RBFOX1: variants seen among roughly 807,000 people sequenced by gnomAD.
RBFOX1 encodes the protein RNA binding fox-1 homolog 1.
Under a neutral mutation model 57.7 loss-of-function variants are expected in RBFOX1, and 8 were observed. The ratio of observed to expected loss-of-function variants is 0.14; its 90% CI spans 0.08 to 0.25. The LOEUF is 0.25. Ranked by LOEUF, RBFOX1 falls within the 10% of genes least tolerant of loss-of-function variation. The pLI is 1.00. For missense variants in RBFOX1, 611 were observed against 548.5 expected, an observed-to-expected ratio of 1.11 and a Z score of -1.14; for synonymous variants, 326 against 222.4, an observed-to-expected ratio of 1.47 and a Z score of -4.15.
At chr16:6,794,192 C>A (rs1005037954) in intron 3 of RBFOX1, among the ~76,000 whole-genome samples, 1 of 151,386 alleles carries the variant, frequency 6.6e-6, no homozygotes, top group Non-Finnish European at 1.5e-5. Context: ...GAAGTTGATG[C>A]GGGATTACTG....
intron 2 of RBFOX1, among the ~76,000 whole-genome samples, chr16:6,602,100 T>C (rs1353110592): frequency 6.6e-6 from 1 of 152,322 alleles, no homozygotes; most frequent in Non-Finnish European, 1.5e-5. Context: ...AGTTGTTTAT[T>C]GGCCATTTGT....
At chr16:6,530,898 T>C (rs145244720) in intron 2 of RBFOX1, among the ~76,000 whole-genome samples, 3 of 152,218 alleles carry the variant, frequency 2.0e-5, no homozygotes, top group African/African-American at 7.2e-5. Flanking sequence ...GAGATTTGCA[T>C]AGGGTCACAG....
intron 4 of RBFOX1, among the ~76,000 whole-genome samples, chr16:7,132,960 C>A (rs182514719): frequency 1.8e-4 from 28 of 152,250 alleles, no homozygotes; most frequent in Non-Finnish European, 3.5e-4. Context: ...GATGAAACTG[C>A]AAACTAGAGT....
At chr16:5,828,791 G>A (rs2056165207) in intron 3 of RBFOX1, among the ~76,000 whole-genome samples, 1 of 152,192 alleles carries the variant, frequency 6.6e-6, no homozygotes, top group Non-Finnish European at 1.5e-5. Context: ...GCAAGGAAGA[G>A]TATGGTGTGC....
intron 3 of RBFOX1, among the ~76,000 whole-genome samples, chr16:6,963,014 C>G (rs1220692275): frequency 3.9e-5 from 6 of 152,248 alleles, no homozygotes; most frequent in Admixed American, 3.9e-4. Flanking sequence ...CAAGAATCAG[C>G]TCTGTAAACC....
At chr16:7,312,531 C>G (rs1043515264) in intron 4 of RBFOX1, among the ~76,000 whole-genome samples, 4 of 152,172 alleles carry the variant, frequency 2.6e-5, no homozygotes, top group African/African-American at 9.7e-5. Context: ...GACACAGACA[C>G]AAGGGACTTG....
At chr16:6,530,637 T>C (rs1011717023) in intron 2 of RBFOX1, among the ~76,000 whole-genome samples, 5 of 152,234 alleles carry the variant, frequency 3.3e-5, no homozygotes, top group African/African-American at 1.2e-4. Flanking sequence ...CAATTCCACA[T>C]GGCTGGGGAG....
chr16:5,859,899 T>G (rs915244732), intron 3 of RBFOX1, among the ~76,000 whole-genome samples: 38 of 152,278 alleles, frequency 2.5e-4, no homozygotes, highest in Non-Finnish European at 3.4e-4. Context: ...GACTCAGGTT[T>G]CTTGGTGAAA....
At chr16:6,588,206 G>T (rs986650621) in intron 2 of RBFOX1, among the ~76,000 whole-genome samples, 1 of 152,000 alleles carries the variant, frequency 6.6e-6, no homozygotes, top group Middle Eastern at 3.4e-3. Flanking sequence ...ACTCCAGCCT[G>T]GGCACAGAGC....
intron 4 of RBFOX1, among the ~76,000 whole-genome samples, chr16:5,934,855 A>G (rs1257437576): frequency 2.6e-5 from 4 of 152,248 alleles, no homozygotes; most frequent in African/African-American, 9.6e-5. Flanking sequence ...GGCCACTCAC[A>G]GAAAGAGTTG....
intron 4 of RBFOX1, among the ~76,000 whole-genome samples, chr16:7,060,203 A>G (rs748088158): frequency 4.6e-5 from 7 of 152,198 alleles, no homozygotes; most frequent in Non-Finnish European, 8.8e-5. Context: ...CACTGCCATA[A>G]TAGCACAAAA....
At chr16:7,231,023 C>G (rs975129332) in intron 4 of RBFOX1, among the ~76,000 whole-genome samples, 7 of 152,108 alleles carry the variant, frequency 4.6e-5, no homozygotes, top group African/African-American at 1.7e-4. Context: ...GAACAAGCAC[C>G]TCTAGCCCCC....
At chr16:5,337,591 A>G (rs534090409) in intron 1 of RBFOX1, among the ~76,000 whole-genome samples, 1 of 152,208 alleles carries the variant, frequency 6.6e-6, no homozygotes, top group Non-Finnish European at 1.5e-5. Flanking sequence ...AAATGTTTTT[A>G]AAAATAAATA....
At chr16:5,433,679 C>G (rs34114746) in intron 1 of RBFOX1, among the ~76,000 whole-genome samples, 1 of 151,992 alleles carries the variant, frequency 6.6e-6, no homozygotes, top group Non-Finnish European at 1.5e-5. Flanking sequence ...GCAATTACAA[C>G]GAATAAATGA....
intron 1 of RBFOX1, among the ~76,000 whole-genome samples, chr16:5,361,973 A>C (rs2065564141): frequency 6.6e-6 from 1 of 152,248 alleles, no homozygotes; most frequent in Non-Finnish European, 1.5e-5. Flanking sequence ...CAGAGCTAAA[A>C]ACCACCACAA....
At chr16:5,524,002 C>T (rs570108550) in intron 2 of RBFOX1, among the ~76,000 whole-genome samples, 2 of 152,182 alleles carry the variant, frequency 1.3e-5, no homozygotes, top group Non-Finnish European at 2.9e-5. Context: ...TTAAACATAC[C>T]ACTCATTCAA....
intron 1 of RBFOX1, among the ~76,000 whole-genome samples, chr16:6,258,374 A>G (rs1441867537): frequency 6.6e-6 from 1 of 152,142 alleles, no homozygotes; most frequent in African/African-American, 2.4e-5. Flanking sequence ...ACTCAAGTTC[A>G]TTGTGTTTCT....
At chr16:7,097,463 A>C (rs2061897737) in intron 4 of RBFOX1, among the ~76,000 whole-genome samples, 2 of 152,160 alleles carry the variant, frequency 1.3e-5, no homozygotes, top group African/African-American at 2.4e-5. Context: ...AGAACCCTAC[A>C]GAGGAGGACA....
chr16:7,137,633 T>G (rs1399486271), intron 4 of RBFOX1, among the ~76,000 whole-genome samples: 1 of 152,134 alleles, frequency 6.6e-6, no homozygotes, highest in Admixed American at 6.5e-5. Flanking sequence ...AACGGACTAA[T>G]ACAAAAGGAA....
Sources: gnomAD v4.1 joint callset for allele counts (sites outside exome capture counted in the v4.1 genomes callset) on GRCh38, gnomAD v4.1.1 for gene constraint, MANE v1.5 for transcripts, NCBI Gene and HGNC (gene_info 2026-07-23, HGNC 2026-07-21) for gene names.